Variants in ZFHX3 observed in about 807,000 individuals in gnomAD.
The protein encoded by ZFHX3 is zinc finger homeobox protein 3.
In ZFHX3, 42 loss-of-function variants were observed where a neutral mutation model predicts 279.1. That is an observed-to-expected ratio of 0.15 (90% confidence interval 0.12 to 0.19). The LOEUF (loss-of-function observed/expected upper bound fraction) is 0.19, where lower values mean the gene tolerates loss of function less well. Ranked by LOEUF, ZFHX3 falls within the 10% of genes least tolerant of loss-of-function variation. ZFHX3 has a pLI of 1.00. For missense variants in ZFHX3, 4,981 were observed against 4,754.0 expected (o/e 1.05, Z -1.40); for synonymous variants, 2,293 against 1,957.8 (o/e 1.17, Z -4.52).
At chr16:73,469,426 C>T (rs1474326739) in intron 2 of ZFHX3, among the ~76,000 whole-genome samples, 2 of 152,012 alleles carry the variant, frequency 1.3e-5, no homozygotes, top group African/African-American at 4.8e-5. Flanking sequence ...CAGGGCAGAA[C>T]AGAGCACCTG....
chr16:73,174,541 T>C (rs1321244377), intron 5 of ZFHX3, among the ~76,000 whole-genome samples: 2 of 151,962 alleles, frequency 1.3e-5, no homozygotes, highest in African/African-American at 4.8e-5. Context: ...CTCTCAAATC[T>C]CCACACAGCC....
In ZFHX3 at chr16:73,655,243, T is replaced by C. The variant is rs539766628; in HGVS notation, c.-1547+24937A>G. On this transcript the variant is annotated intron_variant, in intron 2 of 17. Transcript: ENST00000641206. ...TTTCCATCTTTGAGACTGGAAAAGA[T>C]AAGGATATTCATTTTCACTTCTACT... Among the ~76,000 whole-genome samples, 3 of 152,338 alleles carry C rather than the reference T, an allele frequency of 2.0e-5. No individual in the cohort carries two copies. The East Asian group carries it at 5.8e-4, about 29-fold the overall frequency.
Position 73,663,108 on chromosome 16 carries a change from G to A in ZFHX3, c.-1547+17072C>T, listed in dbSNP as rs961578978. Among the ~76,000 whole-genome samples the A allele has an allele frequency of 2.6e-5, 4 of 152,338 alleles. No individual in the cohort carries two copies. In the East Asian group the frequency reaches 7.7e-4, roughly 29 times the overall value. On this transcript the variant is annotated intron_variant, in intron 2 of 17. Transcript: ENST00000641206. ...AGAAAAGAGGTTGGGTTGAGTGGGG[G>A]AGGAGTGAAAGCCATTCTGATTTGT...
intron 1 of ZFHX3, among the ~76,000 whole-genome samples, chr16:72,966,718 G>A (rs935772027): frequency 2.6e-5 from 4 of 152,194 alleles, no homozygotes; most frequent in Admixed American, 6.5e-5. Context: ...AGCTATCCTC[G>A]GCTATATGAA....
intron 2 of ZFHX3, among the ~76,000 whole-genome samples, chr16:73,581,600 AT>A: frequency 6.6e-6 from 1 of 151,146 alleles, no homozygotes; most frequent in South Asian, 2.1e-4. Context: ...AGAATTGTAA[AT>A]GGCTAACATT....
rs938529280 is a variant in ZFHX3, at chr16:73,088,917, C to T, written c.-533+4318G>A. Among the ~76,000 whole-genome samples, 4 of 152,172 alleles carry T rather than the reference C, an allele frequency of 2.6e-5. No homozygotes were observed. The East Asian group carries it at 7.7e-4, about 29-fold the overall frequency. ...CTGTTTAGTATCCATGGTGGGGGTC[C>T]AGGGCAGGTGGCAGCCAGAGAAAGC... On this transcript the variant is annotated intron_variant, in intron 8 of 17. Transcript: ENST00000641206.
intron 1 of ZFHX3, among the ~76,000 whole-genome samples, chr16:73,835,318 A>G (rs1961108691): frequency 6.6e-6 from 1 of 152,072 alleles, no homozygotes; most frequent in Non-Finnish European, 1.5e-5. Context: ...TCTAAGCTAA[A>G]GAAGAGTTGA....
intron 3 of ZFHX3, chr16:73,420,368 C>T (rs1412582861): frequency 6.6e-6 from 1 of 152,134 alleles, no homozygotes; most frequent in Non-Finnish European, 1.5e-5. Flanking sequence ...TTCAGTGGTT[C>T]TGAGCTGGGG....
Position 72,785,817 on chromosome 16 carries a change from C to T in ZFHX3, c.*1347G>A, listed in dbSNP as rs528213433. ...CAAACAAGGAGGAAAAGAAGGGGTA[C>T]AAAGAAAAAAAAGCCAAAAGAAGGA... On this transcript the variant is annotated 3_prime_UTR_variant, in exon 10 of 10. Transcript: ENST00000268489. 2.4e-4 allele frequency: 33 copies of T among 137,014 alleles called. No homozygotes were observed. The highest frequency in any genetic ancestry group is 1.2e-3 in the Admixed American group (17 of 13,782). The allele number at this position is 137,014 out of a possible 1,614,324, so 8.5% of individuals were successfully genotyped here.
At position 73,612,315 on chromosome 16, in the gene ZFHX3, T is replaced by C. The variant is rs758562857; in HGVS notation, c.-1547+67865A>G. On this transcript the variant is annotated intron_variant, in intron 2 of 17. Coordinates refer to the ZFHX3 transcript ENST00000641206. ...TGAAACCTCATGAGGCAAGCTTCAG[T>C]CTTAGGCAAACAATAGCAGCTGCAT... 1.0e-3 allele frequency among the ~76,000 whole-genome samples: 158 copies of C among 152,214 alleles called. 2 individuals carry two copies. The highest frequency in any genetic ancestry group is 3.4e-3 in the Middle Eastern group (1 of 294).
At chr16:73,499,532 A>C (rs1680974077) in intron 2 of ZFHX3, 1 of 152,200 alleles carries the variant, frequency 6.6e-6, no homozygotes, top group Admixed American at 6.5e-5. Context: ...ATTGCCTTCA[A>C]GTTCCTCCTG....
At chr16:72,974,210 G>A in intron 1 of ZFHX3, among the ~76,000 whole-genome samples, 1 of 152,184 alleles carries the variant, frequency 6.6e-6, no homozygotes, top group East Asian at 1.9e-4. Flanking sequence ...GAGAACAAAT[G>A]AAGAACATGG....
intron 1 of ZFHX3, among the ~76,000 whole-genome samples, chr16:73,035,752 C>T (rs887542903): frequency 1.3e-5 from 2 of 152,042 alleles, no homozygotes; most frequent in East Asian, 1.9e-4. Flanking sequence ...AAAAATTAGC[C>T]GGGCATGGTG....
intron 3 of ZFHX3, among the ~76,000 whole-genome samples, chr16:73,455,133 A>C (rs1597341961): frequency 6.6e-6 from 1 of 151,906 alleles, no homozygotes; most frequent in Non-Finnish European, 1.5e-5. Flanking sequence ...AATTAGAATG[A>C]CCCCTTGATA....
intron 3 of ZFHX3, among the ~76,000 whole-genome samples, chr16:73,405,189 G>A (rs918489196): frequency 1.3e-5 from 2 of 152,180 alleles, no homozygotes; most frequent in African/African-American, 4.8e-5. Flanking sequence ...AAATAAAGAA[G>A]GACTTTGAGA....
At chr16:73,096,819 T>C (rs928655861) in intron 7 of ZFHX3, among the ~76,000 whole-genome samples, 3 of 151,772 alleles carry the variant, frequency 2.0e-5, no homozygotes, top group African/African-American at 4.8e-5. Context: ...TGCCCGGGAG[T>C]AAGCTTGCCT....
intron 3 of ZFHX3, among the ~76,000 whole-genome samples, chr16:73,451,969 G>C (rs1242567263): frequency 6.6e-6 from 1 of 152,138 alleles, no homozygotes; most frequent in Non-Finnish European, 1.5e-5. Context: ...AGAATCATTT[G>C]GAGAGATGAG....
chr16:73,754,817 A>C (rs946396435), intron 1 of ZFHX3, among the ~76,000 whole-genome samples: 2 of 152,202 alleles, frequency 1.3e-5, no homozygotes, highest in Non-Finnish European at 2.9e-5. Context: ...TATATATAAA[A>C]GAAGGTTCAC....
chr16:73,407,621 G>T (rs1319718537), intron 3 of ZFHX3, among the ~76,000 whole-genome samples: 1 of 152,144 alleles, frequency 6.6e-6, no homozygotes, highest in Non-Finnish European at 1.5e-5. Flanking sequence ...CCACCTCCTA[G>T]GCTGGTGTTA....
Sources: allele counts gnomAD v4.1 joint callset (sites outside exome capture counted in the v4.1 genomes callset), GRCh38; gene constraint gnomAD v4.1.1; transcripts MANE v1.5; gene names NCBI Gene and HGNC (gene_info 2026-07-23, HGNC 2026-07-21).